Variants in ALDH1A1 observed in about 807,000 individuals in gnomAD.
ALDH1A1 encodes the protein aldehyde dehydrogenase 1A1.
A neutral mutation model predicts 62.1 loss-of-function variants in ALDH1A1; 19 were observed. The ratio of observed to expected loss-of-function variants is 0.31; its 90% confidence interval spans 0.21 to 0.45. ALDH1A1 has a LOEUF of 0.45. Ranked by LOEUF, ALDH1A1 falls within the 20% of genes least tolerant of loss-of-function variation. ALDH1A1 has a pLI of 1.00. For synonymous variants in ALDH1A1, 231 were observed against 215.9 expected (o/e 1.07, Z -0.61); for missense variants, 521 against 607.1 (o/e 0.86, Z 1.49).
At chr9:72,913,661 GA>G (rs1830020641) in intron 9 of ALDH1A1, among the ~76,000 whole-genome samples, 1 of 152,200 alleles carries the variant, frequency 6.6e-6, no homozygotes, top group South Asian at 2.1e-4. Context: ...ACATACTGGA[GA>G]AAAGGGCTGA....
At chr9:72,942,486 G>C in intron 1 of ALDH1A1, 3 of 548,172 alleles carry the variant, frequency 5.5e-6, no homozygotes, top group Non-Finnish European at 7.0e-6. Flanking sequence ...AGCTTTCCCT[G>C]TTCTCTTTGC....
intron 1 of ALDH1A1, 115 bp downstream of exon 1, chr9:72,952,820 T>G: frequency 8.3e-7 from 1 of 1,211,808 alleles, no homozygotes; most frequent in Non-Finnish European, 1.1e-6. Context: ...TGCCTTTTAT[T>G]TTTATATTTG....
At chr9:72,905,420 G>T (rs926065291) in intron 12 of ALDH1A1, among the ~76,000 whole-genome samples, 1 of 151,764 alleles carries the variant, frequency 6.6e-6, no homozygotes, top group African/African-American at 2.4e-5. Flanking sequence ...TTCCTTTTAG[G>T]TTTAAGTTTT....
chr9:72,943,950 G>GA (rs928337467), intron 1 of ALDH1A1, among the ~76,000 whole-genome samples: 8 of 149,812 alleles, frequency 5.3e-5, no homozygotes, highest in African/African-American at 1.5e-4. Flanking sequence ...TGGAAAGAAG[G>GA]AAAAAAAAAG....
rs576468465 is a variant in ALDH1A1, at chr9:72,949,288, C to T, written c.66+3647G>A. ...AAACTTTCTCTTATTGGCCTGGGAA[C>T]AGCTGAGCAGCAGCTGGAAAGACCA... On this transcript the variant is annotated intron_variant, in intron 1 of 12. Transcript: ENST00000297785. 1.5e-4 allele frequency among the ~76,000 whole-genome samples: 23 copies of T among 151,978 alleles called. 2 individuals carry two copies. In the South Asian group the frequency reaches 4.6e-3, roughly 30 times the overall value.
At chr9:72,906,076 G>GA (rs530247413) in intron 11 of ALDH1A1, 44 bp from the exon 12 acceptor site, 808 of 1,461,156 alleles carry the variant, frequency 5.5e-4, no homozygotes, top group South Asian at 1.0e-3. Context: ...CTTAAGGTGT[G>GA]AAAAAAAAAT....
chr9:72,926,146 G>C (rs1393224706), intron 5 of ALDH1A1, among the ~76,000 whole-genome samples: 2 of 152,138 alleles, frequency 1.3e-5, no homozygotes, highest in African/African-American at 4.8e-5. Flanking sequence ...CTCTGTATCT[G>C]ATTTCATAAT....
Position 72,940,157 on chromosome 9 carries a change from T to G in ALDH1A1, c.162A>C (p.Glu54Asp). Residue 54 changes from glutamate to aspartate, a missense_variant, in exon 2 of 13, where the codon GAA becomes GAC. Glu to Asp is a conservative substitution (Grantham distance 45, BLOSUM62 2). Transcript: ENST00000297785. ...GTGTTCAGAAACTCACCTTATCTCCTTCTTCTACCTGGCAGAGCTCCTCCT... is the reference window on the plus strand; with the variant it reads ...GTGTTCAGAAACTCACCTTATCTCCGTCTTCTACCTGGCAGAGCTCCTCCT... ...ATEEELCQVE[E>D]GDKEDVDKAV... 1 of 1,612,200 alleles carries G rather than the reference T, an allele frequency of 6.2e-7. No individual in the cohort carries two copies. The highest frequency in any genetic ancestry group is 1.7e-5 in the Admixed American group (1 of 60,026).
At chr9:72,922,625 G>A (rs987326550) in intron 7 of ALDH1A1, among the ~76,000 whole-genome samples, 5 of 152,182 alleles carry the variant, frequency 3.3e-5, no homozygotes, top group African/African-American at 9.7e-5. Context: ...AATGTGTCGG[G>A]CTACATTCAA....
In ALDH1A1 at chr9:72,918,741, T is replaced by C; in HGVS notation, c.829A>G (p.Ile277Val). 6.3e-7 allele frequency: 1 copy of C among 1,586,742 alleles called. No homozygotes were observed. Among genetic ancestry groups the C allele is most frequent in the Non-Finnish European group, 8.6e-7 (1 of 1,166,348 alleles). ...TLELGGKSPC[I>V]VLADADLDNA... ...TCACAGTCGGCATCAGCTAACACAATGCAAGGGCTCTTTCCTCCAAGCTCC... is the reference window on the plus strand; with the variant it reads ...TCACAGTCGGCATCAGCTAACACAACGCAAGGGCTCTTTCCTCCAAGCTCC... Residue 277 changes from isoleucine to valine, a missense_variant, in exon 8 of 13, where the codon ATT becomes GTT. Transcript: ENST00000297785.
chr9:72,925,076 T>C (rs1830187626), intron 6 of ALDH1A1, among the ~76,000 whole-genome samples: 1 of 152,218 alleles, frequency 6.6e-6, no homozygotes, highest in African/African-American at 2.4e-5. Flanking sequence ...CATATTGGCA[T>C]AGAGGCCCTT....
intron 1 of ALDH1A1, among the ~76,000 whole-genome samples, chr9:72,941,597 C>A (rs554761951): frequency 2.6e-5 from 4 of 152,182 alleles, no homozygotes; most frequent in African/African-American, 9.6e-5. Context: ...GTCCAACAGC[C>A]CTCAAGCAAT....
intron 11 of ALDH1A1, 79 bp downstream of exon 11, chr9:72,909,523 C>T: frequency 1.5e-6 from 2 of 1,339,398 alleles, no homozygotes; most frequent in South Asian, 1.7e-5. Flanking sequence ...ATGAAAAATC[C>T]AAGTCTGAAA....
rs770285747 is a variant in ALDH1A1, at chr9:72,917,022, C to G, written c.933G>C (p.Val311=). 6.2e-7 allele frequency: 1 copy of G among 1,613,870 alleles called. No individual in the cohort carries two copies. The highest frequency in any genetic ancestry group is 1.1e-5 in the South Asian group (1 of 91,048). ...QCCIAASRIF[V]EESIYDEFVR... The stretch of plus-strand genomic sequence containing the variant: ...CAAACTCATCATAAATTGATTCTTC[C>G]ACAAAAATCCTGGATGCGGCTATAC... The change falls in exon 9 of 13, where the codon GTG becomes GTC. Residue 311 remains valine (V), a synonymous_variant. Coordinates refer to ENST00000297785, the MANE Select transcript of ALDH1A1 (RefSeq NM_000689.5).
chr9:72,924,362 A>G (rs916207321), intron 6 of ALDH1A1, among the ~76,000 whole-genome samples: 2 of 152,328 alleles, frequency 1.3e-5, no homozygotes, highest in East Asian at 1.9e-4. Context: ...GGGTAAGTCC[A>G]TACTCTATGA....
At chr9:72,912,210 T>A in intron 9 of ALDH1A1, 88 bp from the exon 10 acceptor site, 1 of 1,090,722 alleles carries the variant, frequency 9.2e-7, no homozygotes, top group Non-Finnish European at 1.3e-6. Flanking sequence ...GGCTTCAAAA[T>A]GCTAAAATAT....
chr9:72,915,209 C>T (rs1278164451), intron 9 of ALDH1A1, among the ~76,000 whole-genome samples: 4 of 152,232 alleles, frequency 2.6e-5, no homozygotes, highest in East Asian at 3.9e-4. Context: ...TAGAATCTTA[C>T]AAATAGGAAT....
chr9:72,904,073 ACT>A (rs1829842245), intron 12 of ALDH1A1, among the ~76,000 whole-genome samples: 1 of 152,100 alleles, frequency 6.6e-6, no homozygotes, highest in Admixed American at 6.6e-5. Context: ...TCCCACAAGA[ACT>A]CTCATTCCAT....
At chr9:72,939,060 A>G (rs1329723578) in intron 2 of ALDH1A1, among the ~76,000 whole-genome samples, 1 of 152,090 alleles carries the variant, frequency 6.6e-6, no homozygotes, top group Non-Finnish European at 1.5e-5. Context: ...TCTTACTTTC[A>G]TAATAATCAC....
Sources: allele counts gnomAD v4.1 joint callset (sites outside exome capture counted in the v4.1 genomes callset), GRCh38; gene constraint gnomAD v4.1.1; transcripts MANE v1.5; gene names NCBI Gene and HGNC (gene_info 2026-07-23, HGNC 2026-07-21).